The following CSMD1 variants were observed in gnomAD, a reference collection of about 807,000 sequenced individuals.
CSMD1 encodes the protein CUB and sushi domain-containing protein 1.
CSMD1 carries 213 observed loss-of-function variants against 417.5 expected under a neutral mutation model. The observed-to-expected ratio is 0.51, with a 90% CI of 0.46 to 0.57. The LOEUF is 0.57. Ranked by LOEUF, CSMD1 falls within the 20% of genes least tolerant of loss-of-function variation. CSMD1 has a pLI of 0.00. For synonymous variants in CSMD1, 2,862 were observed against 1,736.8 expected (o/e 1.65, Z -16.11); for missense variants, 6,923 against 4,529.7 (o/e 1.53, Z -15.17).
rs869245155 is a variant in CSMD1 at position 4,236,039 on chromosome 8, GTT to G, written c.415+183912_415+183913del. On this transcript the variant is annotated intron_variant, in intron 3 of 69. Transcript: ENST00000635120. Reference sequence around the variant, plus strand: ...TTAATGGATATTGTTTTTTTTGTTTGTTTTTTTTTTTTTTTTTTTTTTTTTTT... The same window carrying G: ...TTAATGGATATTGTTTTTTTTGTTTGTTTTTTTTTTTTTTTTTTTTTTTTT... 6.8e-3 allele frequency among the ~76,000 whole-genome samples: 216 copies of G among 31,690 alleles called. 8 individuals carry two copies. The highest frequency in any genetic ancestry group is 0.026 in the South Asian group (17 of 658). 20.8% of individuals were successfully genotyped at this position (31,690 alleles called of 152,430 possible).
chr8:3,958,316 CTCTCTTTT>C (rs1415851603), intron 5 of CSMD1, among the ~76,000 whole-genome samples: 7 of 128,958 alleles, frequency 5.4e-5, no homozygotes, highest in African/African-American at 1.3e-4. Context: ...TTTTTAAACT[CTCTCTTTT>C]TTTTTTTTTT....
intron 1 of CSMD1, among the ~76,000 whole-genome samples, chr8:4,839,630 T>C (rs1800716842): frequency 6.6e-6 from 1 of 152,196 alleles, no homozygotes; most frequent in Non-Finnish European, 1.5e-5. Flanking sequence ...TAAGAAGAAC[T>C]TGTTCCTCAC....
At chr8:3,701,063 A>T (rs1030082201) in intron 7 of CSMD1, among the ~76,000 whole-genome samples, 2 of 151,708 alleles carry the variant, frequency 1.3e-5, no homozygotes, top group Admixed American at 6.6e-5. Flanking sequence ...GAGGCCGGAG[A>T]GAGGGGTGCT....
intron 29 of CSMD1, among the ~76,000 whole-genome samples, chr8:3,218,578 G>T (rs1368322609): frequency 8.4e-6 from 1 of 119,454 alleles, no homozygotes; most frequent in Non-Finnish European, 1.8e-5. Context: ...AAAAAAAAAA[G>T]AAATTATTTT....
At chr8:4,540,464 G>T (rs559714068) in intron 2 of CSMD1, among the ~76,000 whole-genome samples, 1 of 152,314 alleles carries the variant, frequency 6.6e-6, no homozygotes, top group Non-Finnish European at 1.5e-5. Flanking sequence ...GGACTTAGGG[G>T]AGGCTGAGGC....
chr8:4,365,484 G>C (rs372160419), intron 3 of CSMD1, among the ~76,000 whole-genome samples: 152 of 152,192 alleles, frequency 1.0e-3, no homozygotes, highest in Non-Finnish European at 2.0e-3. Context: ...AAGTCTACTG[G>C]CCTTAGGGCA....
intron 1 of CSMD1, among the ~76,000 whole-genome samples, chr8:4,936,176 T>G (rs1475220200): frequency 3.3e-5 from 5 of 152,204 alleles, no homozygotes; most frequent in African/African-American, 1.2e-4. Context: ...AAAATCACAT[T>G]AAGTTGAGAG....
chr8:4,749,120 C>T (rs1300265037), intron 1 of CSMD1, among the ~76,000 whole-genome samples: 1 of 152,238 alleles, frequency 6.6e-6, no homozygotes, highest in Non-Finnish European at 1.5e-5. Flanking sequence ...GCTAATTTCA[C>T]TGCCACATCT....
chr8:3,137,298 C>T (rs866565817), intron 41 of CSMD1, among the ~76,000 whole-genome samples: 4 of 152,246 alleles, frequency 2.6e-5, no homozygotes, highest in Middle Eastern at 6.8e-3. Context: ...ATGAGGAAGC[C>T]GGAGCACAGA....
At chr8:4,636,677 C>A (rs886284126) in intron 2 of CSMD1, among the ~76,000 whole-genome samples, 3 of 152,148 alleles carry the variant, frequency 2.0e-5, no homozygotes, top group Admixed American at 1.3e-4. Flanking sequence ...TATCTATAAA[C>A]AAAGTCAGTG....
rs961827804 is a variant in CSMD1 at position 4,614,363 on chromosome 8, T to G, written c.302+22979A>C. 3.9e-5 allele frequency among the ~76,000 whole-genome samples: 6 copies of G among 152,146 alleles called. No individual in the cohort carries two copies. The South Asian group carries it at 1.2e-3, about 32-fold the overall frequency. On this transcript the variant is annotated intron_variant, in intron 2 of 69. Coordinates refer to ENST00000635120, the MANE Select transcript of CSMD1 (RefSeq NM_033225.6). ...CTCCCACCATTACCTCCATGGCTTG[T>G]CTAGTGATGATGAGGTTGACAGAAA...
chr8:4,287,712 G>C (rs999536227), intron 3 of CSMD1, among the ~76,000 whole-genome samples: 5 of 150,962 alleles, frequency 3.3e-5, no homozygotes, highest in African/African-American at 4.9e-5. Context: ...GTATGAAAGA[G>C]AGGGTTAGCA....
intron 49 of CSMD1, among the ~76,000 whole-genome samples, chr8:3,081,241 T>A (rs937388455): frequency 1.1e-4 from 17 of 152,196 alleles, no homozygotes; most frequent in African/African-American, 3.9e-4. Context: ...TTTGAATATA[T>A]TCTTCTAGAT....
intron 26 of CSMD1, among the ~76,000 whole-genome samples, chr8:3,248,316 C>T (rs181389940): frequency 8.6e-5 from 5 of 58,444 alleles, no homozygotes; most frequent in Admixed American, 8.5e-4. Flanking sequence ...CCTGTTGTCT[C>T]AGATAGTGAT....
chr8:4,923,465 T>A (rs909328650), intron 1 of CSMD1, among the ~76,000 whole-genome samples: 1 of 152,210 alleles, frequency 6.6e-6, no homozygotes, highest in South Asian at 2.1e-4. Context: ...TCATATTACA[T>A]GCCTGTGTCA....
intron 3 of CSMD1, among the ~76,000 whole-genome samples, chr8:4,384,161 A>AATG (rs1423958737): frequency 1.3e-5 from 2 of 152,198 alleles, no homozygotes; most frequent in Non-Finnish European, 2.9e-5. Context: ...TGGGAATGCC[A>AATG]GGATTCTCTA....
At chr8:4,797,803 T>C (rs1376569319) in intron 1 of CSMD1, among the ~76,000 whole-genome samples, 1 of 152,192 alleles carries the variant, frequency 6.6e-6, no homozygotes, top group South Asian at 2.1e-4. Context: ...TTAAAAATAC[T>C]TGTGCTCATG....
chr8:4,284,646 C>T lies in CSMD1; in HGVS notation c.415+135307G>A, dbSNP rs376743672. Reference sequence around the variant, plus strand: ...ACAGCAACTGTTCTCCAAGGGTGGACTCAGGACTCCTGGAGGATCCCCACA... The same window carrying T: ...ACAGCAACTGTTCTCCAAGGGTGGATTCAGGACTCCTGGAGGATCCCCACA... On this transcript the variant is annotated intron_variant, in intron 3 of 69. Transcript: ENST00000635120. Among the ~76,000 whole-genome samples the T allele has an allele frequency of 3.9e-5, 6 of 152,106 alleles. No individual in the cohort carries two copies. In the East Asian group the frequency reaches 1.2e-3, roughly 29 times the overall value.
At chr8:3,423,581 G>A (rs1231693668) in intron 12 of CSMD1, among the ~76,000 whole-genome samples, 1 of 152,032 alleles carries the variant, frequency 6.6e-6, no homozygotes, top group Admixed American at 6.6e-5. Context: ...ATCACCAGCT[G>A]ACTCAATGGT....
Sources: allele counts gnomAD v4.1 joint callset (sites outside exome capture counted in the v4.1 genomes callset), GRCh38; gene constraint gnomAD v4.1.1; transcripts MANE v1.5; gene names NCBI Gene and HGNC (gene_info 2026-07-23, HGNC 2026-07-21).